TYW1B: variants seen among roughly 807,000 people sequenced by gnomAD.
TYW1B encodes the protein S-adenosyl-L-methionine-dependent tRNA 4-demethylwyosine synthase TYW1B.
In TYW1B, 73 loss-of-function variants were observed where a neutral mutation model predicts 86.9. The observed-to-expected ratio is 0.84, with a 90% confidence interval of 0.70 to 1.02. TYW1B has a LOEUF of 1.02. Among genes scored for constraint, TYW1B ranks in the 50% least tolerant of loss-of-function variants. The pLI is 0.00. For synonymous variants in TYW1B, 248 were observed against 292.8 expected, an observed-to-expected ratio of 0.85 and a Z score of 1.56; for missense variants, 637 against 827.4, an observed-to-expected ratio of 0.77 and a Z score of 2.82.
chr7:72,608,236 G>A (rs1431301845), intron 13 of TYW1B, among the ~76,000 whole-genome samples: 1 of 152,190 alleles, frequency 6.6e-6, no homozygotes, highest in Non-Finnish European at 1.5e-5. Context: ...CCATCTGGAA[G>A]AAAGAAAGAA....
intron 11 of TYW1B, among the ~76,000 whole-genome samples, chr7:72,631,513 C>T (rs1208820919): frequency 6.6e-6 from 1 of 151,760 alleles, no homozygotes; most frequent in African/African-American, 2.4e-5. Flanking sequence ...GACTCTGTCT[C>T]AAATAAATAA....
At chr7:72,779,294 G>A (rs1274846370) in intron 6 of TYW1B, among the ~76,000 whole-genome samples, 5 of 152,244 alleles carry the variant, frequency 3.3e-5, no homozygotes, top group African/African-American at 1.2e-4. Context: ...TATACAAAGG[G>A]TACCTAGGGG....
At chr7:72,758,562 C>A (rs1554466657) in intron 7 of TYW1B, among the ~76,000 whole-genome samples, 1 of 152,040 alleles carries the variant, frequency 6.6e-6, no homozygotes, top group African/African-American at 2.4e-5. Context: ...TGATTCTTGG[C>A]ACCACTGCAG....
At chr7:72,739,951 G>C (rs1385049612) in intron 8 of TYW1B, among the ~76,000 whole-genome samples, 14 of 147,890 alleles carry the variant, frequency 9.5e-5, no homozygotes, top group African/African-American at 3.2e-4. Flanking sequence ...AGTGTTCCAG[G>C]CCGGGTATGG....
intron 11 of TYW1B, among the ~76,000 whole-genome samples, chr7:72,655,711 G>A (rs1238240769): frequency 1.3e-5 from 2 of 152,170 alleles, no homozygotes; most frequent in Non-Finnish European, 2.9e-5. Flanking sequence ...CATAGTCACC[G>A]GTAGCAACCC....
chr7:72,616,098 TAGTGGCCCAC>T (rs1812064968), intron 13 of TYW1B, among the ~76,000 whole-genome samples: 1 of 152,234 alleles, frequency 6.6e-6, no homozygotes, highest in South Asian at 2.1e-4. Flanking sequence ...CAAATTATTT[TAGTGGCCCAC>T]CTCTATCAAG....
At chr7:72,731,903 G>A (rs189176539) in intron 8 of TYW1B, among the ~76,000 whole-genome samples, 1 of 152,242 alleles carries the variant, frequency 6.6e-6, no homozygotes, top group East Asian at 1.9e-4. Flanking sequence ...TTGTGCCACT[G>A]CACTCCAGCC....
intron 11 of TYW1B, among the ~76,000 whole-genome samples, chr7:72,692,855 G>A (rs185551847): frequency 7.3e-4 from 111 of 152,268 alleles, no homozygotes; most frequent in African/African-American, 2.6e-3. Flanking sequence ...CACGTGTGCA[G>A]AAATGGCAAC....
intron 13 of TYW1B, among the ~76,000 whole-genome samples, chr7:72,606,985 C>T (rs1175789091): frequency 6.6e-6 from 1 of 152,138 alleles, no homozygotes; most frequent in Non-Finnish European, 1.5e-5. Flanking sequence ...AAAATCTCAA[C>T]TTGAATTAGA....
rs542029100 is a variant in TYW1B, at chr7:72,789,054, C to T, written c.847-11521G>A. Among the ~76,000 whole-genome samples the T allele has an allele frequency of 2.0e-5, 3 of 152,064 alleles. No individual in the cohort carries two copies. The East Asian group carries it at 5.8e-4, about 29-fold the overall frequency. Reference sequence around the variant, plus strand: ...CTATGTTGCCCAGGCTGGTCTCAAACTCCAGGGGTCAAGAGATCCACCCAC... The same window carrying T: ...CTATGTTGCCCAGGCTGGTCTCAAATTCCAGGGGTCAAGAGATCCACCCAC... On this transcript the variant is annotated intron_variant, in intron 6 of 13. Transcript: ENST00000620995.
At chr7:72,823,275 C>G (rs1788865331) in intron 2 of TYW1B, 1 of 151,348 alleles carries the variant, frequency 6.6e-6, no homozygotes, top group African/African-American at 2.4e-5. Context: ...TCCCAAAGTG[C>G]TGAGATTACA....
chr7:72,595,621 A>AG (rs1223623701), intron 13 of TYW1B, among the ~76,000 whole-genome samples: 5 of 152,276 alleles, frequency 3.3e-5, no homozygotes, highest in Non-Finnish European at 5.9e-5. Flanking sequence ...AGGTGGAAGT[A>AG]GCACCAAGTT....
chr7:72,670,411 T>A (rs111545389), intron 11 of TYW1B, among the ~76,000 whole-genome samples: 3 of 152,174 alleles, frequency 2.0e-5, no homozygotes, highest in South Asian at 4.1e-4. Context: ...GGCTGGTCTC[T>A]AACTCTTGAA....
In TYW1B at chr7:72,694,790, C is replaced by A. The variant is rs782136742; in HGVS notation, c.1403G>T (p.Ser468Ile). The A allele has an allele frequency of 3.7e-6, 6 of 1,609,304 alleles. No individual in the cohort carries two copies. In the South Asian group the frequency reaches 4.5e-5, roughly 12 times the overall value. Residue 468 changes from serine (S) to isoleucine (I), a missense_variant, in exon 11 of 14, where the codon AGT becomes ATT. By Grantham distance (142) the Ser-to-Ile change is moderately radical. Coordinates refer to ENST00000620995, the MANE Select transcript of TYW1B (RefSeq NM_001145440.3). ...NLEPVTQLYV[S>I]VDASTKDSLK... ...GCTGTCTTTGGTACTGGCATCCACA[C>A]TGACATACAGCTGAGTAACTGGCTC...
At chr7:72,728,157 T>C (rs1476463148) in intron 9 of TYW1B, among the ~76,000 whole-genome samples, 1 of 152,140 alleles carries the variant, frequency 6.6e-6, no homozygotes, top group African/African-American at 2.4e-5. Flanking sequence ...TTTAAGACTT[T>C]CCACTAACCT....
chr7:72,725,427 T>C (rs1411598926), intron 9 of TYW1B, among the ~76,000 whole-genome samples: 2 of 152,114 alleles, frequency 1.3e-5, no homozygotes, highest in Non-Finnish European at 2.9e-5. Context: ...AAGCACTAAC[T>C]CAAAAATCAA....
chr7:72,745,136 T>C (rs1326612203), intron 7 of TYW1B, among the ~76,000 whole-genome samples: 3 of 152,184 alleles, frequency 2.0e-5, no homozygotes, highest in Non-Finnish European at 4.4e-5. Context: ...GCAATCCTCC[T>C]GCCTCAGACT....
intron 10 of TYW1B, among the ~76,000 whole-genome samples, chr7:72,700,443 G>C (rs1563063847): frequency 6.6e-6 from 1 of 152,110 alleles, no homozygotes; most frequent in Non-Finnish European, 1.5e-5. Context: ...AAAGTGCTGG[G>C]ATTACGGGTG....
chr7:72,657,296 T>A (rs1164663748), intron 11 of TYW1B, among the ~76,000 whole-genome samples: 1 of 152,072 alleles, frequency 6.6e-6, no homozygotes, highest in Admixed American at 6.6e-5. Context: ...CAACTCAGAT[T>A]TTTTTAAAAA....
Sources: gnomAD v4.1 joint callset for allele counts (sites outside exome capture counted in the v4.1 genomes callset) on GRCh38, gnomAD v4.1.1 for gene constraint, MANE v1.5 for transcripts, NCBI Gene and HGNC (gene_info 2026-07-23, HGNC 2026-07-21) for gene names.